The following ART3 variants were observed in gnomAD, a reference collection of about 807,000 sequenced individuals.
ART3 encodes the protein ecto-ADP-ribosyltransferase 3.
A neutral mutation model predicts 48.5 loss-of-function variants in ART3; 49 were observed. That is an observed-to-expected ratio of 1.01 (90% confidence interval 0.80 to 1.28). The LOEUF (loss-of-function observed/expected upper bound fraction) is 1.28. ART3 is among the 50% of genes most tolerant of loss of function. The probability of loss-of-function intolerance (pLI) is 0.00; values close to 1 mark genes in which losing one functional copy is unlikely to be tolerated. For missense variants in ART3, 438 were observed against 454.3 expected (o/e 0.96, Z 0.33); for synonymous variants, 145 against 157.2 (o/e 0.92, Z 0.58).
At chr4:76,038,675 C>T (rs4859598) in intron 1 of ART3, among the ~76,000 whole-genome samples, 92,937 of 151,938 alleles carry the variant, frequency 0.61, 29,492 homozygotes, top group East Asian at 0.94. Flanking sequence ...TAGAGTCAGC[C>T]TGTGTTCAAA....
intron 1 of ART3, among the ~76,000 whole-genome samples, chr4:76,019,594 C>T (rs1012445336): frequency 2.6e-5 from 2 of 77,096 alleles, no homozygotes; most frequent in Non-Finnish European, 5.5e-5. Flanking sequence ...GCTGGGACTA[C>T]AGGCGCCCGC....
At chr4:76,046,396 C>T (rs1050661133) in intron 1 of ART3, among the ~76,000 whole-genome samples, 3 of 152,030 alleles carry the variant, frequency 2.0e-5, no homozygotes, top group Admixed American at 2.0e-4. Context: ...TAAGATCTTG[C>T]ACTAGTCTCC....
At position 76,037,721 on chromosome 4, in the gene ART3, C is replaced by G. The variant is rs570772274; in HGVS notation, c.-10+26401C>G. On this transcript the variant is annotated intron_variant, in intron 1 of 9. Coordinates refer to the ART3 transcript ENST00000341029. ...TAAAAAGATTTTTACCTGAATTTTT[C>G]TAATTATTTACATCAACCATCAATA... 7.2e-5 allele frequency among the ~76,000 whole-genome samples: 11 copies of G among 152,210 alleles called. No individual in the cohort carries two copies. In the East Asian group the frequency reaches 2.1e-3, roughly 29 times the overall value.
chr4:76,070,333 C>T (rs1432819031), upstream of ART3, among the ~76,000 whole-genome samples: 4 of 152,118 alleles, frequency 2.6e-5, no homozygotes, highest in Non-Finnish European at 5.9e-5. Context: ...TTCAGTAGCT[C>T]CATATTCTCA....
rs11422213 is a variant in ART3 at position 76,039,103 on chromosome 4, C to CTT, written c.-10+27796_-10+27797dup. Among the ~76,000 whole-genome samples, 251 of 142,216 alleles carry CTT rather than the reference C, an allele frequency of 1.8e-3. 2 individuals carry two copies. Among genetic ancestry groups the CTT allele is most frequent in the African/African-American group, 4.2e-3 (161 of 38,324 alleles). The allele number at this position is 142,216 out of a possible 152,430, so 93.3% of individuals were successfully genotyped here. On this transcript the variant is annotated intron_variant, in intron 1 of 9. Coordinates refer to the ART3 transcript ENST00000341029. ...CTATAGACTGGGGATAATAATAGTA[C>CTT]TTTTTTTTTTTTTTGAGATGGAGTC...
intron 11 of ART3, 106 bp downstream of exon 11, chr4:76,107,899 T>A: frequency 1.1e-6 from 1 of 879,662 alleles, no homozygotes. Flanking sequence ...TGCAAGGTTT[T>A]AAGGCATCTT....
At chr4:76,026,513 T>C (rs184241178) in intron 1 of ART3, among the ~76,000 whole-genome samples, 2 of 152,370 alleles carry the variant, frequency 1.3e-5, no homozygotes, top group Admixed American at 1.3e-4. Context: ...ATGAGTATTA[T>C]TGTTTTCCTT....
chr4:76,095,822 C>A (rs763635974), intron 3 of ART3, among the ~76,000 whole-genome samples: 5 of 152,200 alleles, frequency 3.3e-5, no homozygotes, highest in Non-Finnish European at 7.3e-5. Flanking sequence ...TTTCAACTTA[C>A]ATCTGTAGCT....
chr4:76,107,618 C>T (rs1042547536), intron 10 of ART3, 143 bp from the exon 11 acceptor site: 5 of 505,088 alleles, frequency 9.9e-6, no homozygotes, highest in Non-Finnish European at 1.8e-5. Flanking sequence ...TCCCCTAACC[C>T]CACACATACC....
intron 1 of ART3, among the ~76,000 whole-genome samples, chr4:76,060,289 C>T (rs1156569949): frequency 1.3e-5 from 2 of 152,076 alleles, no homozygotes; most frequent in African/African-American, 4.8e-5. Flanking sequence ...ATCATAAGTA[C>T]ATTGGTAATA....
chr4:76,016,236 TA>T (rs1385090957), intron 1 of ART3, among the ~76,000 whole-genome samples: 2 of 152,214 alleles, frequency 1.3e-5, no homozygotes, highest in Admixed American at 6.5e-5. Context: ...TATTTCCAGA[TA>T]TTTGAAGATA....
At chr4:76,052,108 G>A (rs747538369) in intron 1 of ART3, among the ~76,000 whole-genome samples, 5 of 151,624 alleles carry the variant, frequency 3.3e-5, no homozygotes, top group African/African-American at 4.8e-5. Flanking sequence ...ACGGGGTTTC[G>A]CCATGCTCAC....
chr4:76,053,314 A>G (rs942014720), intron 1 of ART3, among the ~76,000 whole-genome samples: 1 of 152,254 alleles, frequency 6.6e-6, no homozygotes, highest in East Asian at 1.9e-4. Flanking sequence ...TTTATTAACT[A>G]CAGCTCTCTC....
chr4:76,109,385 A>C (rs887286468), intron 11 of ART3, among the ~76,000 whole-genome samples: 1 of 152,124 alleles, frequency 6.6e-6, no homozygotes, highest in African/African-American at 2.4e-5. Flanking sequence ...CTTCAGGGGT[A>C]GTAACGTGCA....
intron 10 of ART3, chr4:76,105,799 G>A: frequency 4.1e-6 from 4 of 985,434 alleles, no homozygotes; most frequent in Non-Finnish European, 4.8e-6. Context: ...GGAACAGTTG[G>A]CTTCCAGCTG....
chr4:76,046,884 A>T (rs1735557618), intron 1 of ART3, among the ~76,000 whole-genome samples: 1 of 151,946 alleles, frequency 6.6e-6, no homozygotes. Flanking sequence ...GAGGACAGTC[A>T]TCCAGGACAG....
rs763866292 is a variant in ART3 at position 76,081,983 on chromosome 4, T to C, written c.229T>C (p.Trp77Arg). The change falls in exon 3 of 12, where the codon TGG becomes CGG. Residue 77 changes from tryptophan (W) to arginine (R), a missense_variant. Transcript: ENST00000355810. Reference protein sequence around the residue: ...DTVWENAKAKWAARKTQIFLP... With the variant: ...DTVWENAKAKRAARKTQIFLP... ...TGTGTGGGAAAATGCAAAAGCCAAATGGGCAGCCCGAAAGACTCAAATCTT... is the reference window on the plus strand; with the variant it reads ...TGTGTGGGAAAATGCAAAAGCCAAACGGGCAGCCCGAAAGACTCAAATCTT... The C allele has an allele frequency of 5.6e-6, 9 of 1,614,004 alleles. No individual in the cohort carries two copies. The highest frequency in any genetic ancestry group is 2.7e-5 in the African/African-American group (2 of 74,906).
In ART3 at chr4:76,100,305, A is replaced by G; in HGVS notation, c.862A>G (p.Lys288Glu). Residue 288 changes from lysine (K) to glutamate (E), a missense_variant, in exon 6 of 12, where the codon AAG becomes GAG. Physicochemically the swap from Lys to Glu is moderately conservative, Grantham distance 56. Transcript: ENST00000355810. ...YVYNPGEKNQ[K>E]LEDHSEKNWK... is the part of the protein sequence containing the mutation. Reference sequence around the variant, plus strand: ...CTGTGACTCAGGTGAGAAAAACCAGAAGCTTGAAGACCATAGTAAGACATT... The same window carrying G: ...CTGTGACTCAGGTGAGAAAAACCAGGAGCTTGAAGACCATAGTAAGACATT... 1 of 1,612,942 alleles carries G rather than the reference A, an allele frequency of 6.2e-7. No homozygotes were observed. Among genetic ancestry groups the G allele is most frequent in the Non-Finnish European group, 8.5e-7 (1 of 1,179,284 alleles).
At chr4:76,039,192 T>C (rs1201817975) in intron 1 of ART3, among the ~76,000 whole-genome samples, 1 of 151,314 alleles carries the variant, frequency 6.6e-6, no homozygotes, top group African/African-American at 2.4e-5. Flanking sequence ...CTCCGCCTCC[T>C]GGGTTCAAGC....
Sources: allele counts gnomAD v4.1 joint callset (sites outside exome capture counted in the v4.1 genomes callset), GRCh38; gene constraint gnomAD v4.1.1; transcripts MANE v1.5; gene names NCBI Gene and HGNC (gene_info 2026-07-23, HGNC 2026-07-21).